Variants in ITIH1 observed in about 807,000 individuals in gnomAD.
ITIH1 encodes inter-alpha-trypsin inhibitor heavy chain 1.
ITIH1 carries 94 observed loss-of-function variants against 104.6 expected under a neutral mutation model. The observed-to-expected ratio is 0.90, with a 90% CI of 0.76 to 1.07. The LOEUF is 1.07. Among genes scored for constraint, ITIH1 ranks in the 50% least tolerant of loss-of-function variants. The probability of loss-of-function intolerance (pLI) is 0.00; values close to 1 mark genes in which losing one functional copy is unlikely to be tolerated. For synonymous variants in ITIH1, 455 were observed against 464.4 expected (o/e 0.98, Z 0.26); for missense variants, 1,193 against 1,181.4 (o/e 1.01, Z -0.14).
intron 12 of ITIH1, 93 bp downstream of exon 12, chr3:52,785,322 CCT>C (rs1321780538): frequency 1.6e-6 from 2 of 1,236,544 alleles, no homozygotes; most frequent in East Asian, 2.4e-5. Flanking sequence ...CCCCCAGAGG[CCT>C]CTCTTTCCCC....
intron 15 of ITIH1, 112 bp downstream of exon 15, chr3:52,787,314 T>A: frequency 1.4e-6 from 2 of 1,430,436 alleles, no homozygotes; most frequent in Non-Finnish European, 2.0e-6. Context: ...CTGACTCCAC[T>A]CCTTCCCGTT....
intron 19 of ITIH1, chr3:52,790,196 A>C (rs924722914): frequency 5.3e-6 from 2 of 375,468 alleles, no homozygotes; most frequent in African/African-American, 4.1e-5. Context: ...TGAACTCCAG[A>C]TTTCTCTGGG....
rs765860300 is a variant in ITIH1, at chr3:52,784,267, C to A, written c.1226-29C>A. 54 of 1,597,680 alleles carry A rather than the reference C, an allele frequency of 3.4e-5. No homozygotes were observed. In the Admixed American group the frequency reaches 6.1e-4, roughly 18 times the overall value. ...CCCCACATGCCTGTGGGCCAGCATC[C>A]CGTCACTACCCAGGTGTGTGGCTTG... is the stretch of plus-strand genomic sequence containing the variant. On this transcript the variant is annotated intron_variant, in intron 10 of 21. Transcript: ENST00000273283.
rs1279866716 is a variant in ITIH1, at chr3:52,778,999, G to T, written c.363G>T (p.Lys121Asn). Residue 121 changes from lysine (K) to asparagine (N), a missense_variant, in exon 4 of 22, where the codon AAG (lysine) becomes AAT (asparagine). Coordinates refer to ENST00000273283, the MANE Select transcript of ITIH1 (RefSeq NM_002215.4). ...GDIKDKVTAW[K>N]QYRKAAISGE... ...TAAAGGACAAGGTGACTGCATGGAAGCAGTACCGGAAAGCAGCTATCTCAG... is the reference window on the plus strand; with the variant it reads ...TAAAGGACAAGGTGACTGCATGGAATCAGTACCGGAAAGCAGCTATCTCAG... The T allele has an allele frequency of 6.2e-7, 1 of 1,614,080 alleles. No individual in the cohort carries two copies.
At chr3:52,788,175 C>G in intron 17 of ITIH1, 57 bp from the exon 18 acceptor site, 1 of 1,524,624 alleles carries the variant, frequency 6.6e-7, no homozygotes, top group Non-Finnish European at 9.1e-7. Flanking sequence ...ACCCCAACCC[C>G]TGGCCAGCCC....
Position 52,792,016 on chromosome 3 carries a change from T to C in ITIH1, c.*105T>C. 7.6e-7 allele frequency: 1 copy of C among 1,318,184 alleles called. No homozygotes were observed. Among genetic ancestry groups the C allele is most frequent in the Non-Finnish European group, 1.0e-6 (1 of 960,836 alleles). The allele number at this position is 1,318,184 out of a possible 1,614,324, so 81.7% of individuals were successfully genotyped here. ...GTACCTCCTTGACTAAGCTGGTTCC[T>C]TGTGTCAAAGCACCTCATGCCTTCC... On this transcript the variant is annotated 3_prime_UTR_variant, in exon 22 of 22. Coordinates refer to ENST00000273283, the MANE Select transcript of ITIH1 (RefSeq NM_002215.4).
rs768299617 is a variant in ITIH1 at position 52,779,437 on chromosome 3, C to A, written c.416C>A (p.Ser139Ter). Residue 139 changes from serine to a stop codon, truncating the protein, a stop_gained, in exon 5 of 22, where the codon TCG (serine) becomes TAG (stop). Coordinates refer to ENST00000273283, the MANE Select transcript of ITIH1 (RefSeq NM_002215.4). LOFTEE classifies it high-confidence loss of function. This position sits in a 1 kb window ranked among gnomAD's most constrained non-coding sequence, Gnocchi z 4.4. ...SGENAGLVRA[S>*]GRTMEQFTIH... ...GCCTCTGGTGGCACATCCAGGGCCT[C>A]GGGGAGAACTATGGAGCAATTCACC... 1 of 1,614,192 alleles carries A rather than the reference C, an allele frequency of 6.2e-7. No individual in the cohort carries two copies. The highest frequency in any genetic ancestry group is 2.2e-5 in the East Asian group (1 of 44,884).
At position 52,791,847 on chromosome 3, in the gene ITIH1, A is replaced by G. The variant is rs1405612914; in HGVS notation, c.2672A>G (p.His891Arg). The G allele has an allele frequency of 6.2e-7, 1 of 1,614,172 alleles. No individual in the cohort carries two copies. Among genetic ancestry groups the G allele is most frequent in the South Asian group, 1.1e-5 (1 of 91,082 alleles). ...HGAEVSCWFI[H>R]NNGAGLIDGA... ...GCCGAGGTGTCCTGCTGGTTCATTC[A>G]CAACAATGGGGCTGGACTCATCGAT... Residue 891 changes from histidine to arginine, a missense_variant, in exon 22 of 22, where the codon CAC becomes CGC. By Grantham distance (29) the His-to-Arg change is conservative. Coordinates refer to ENST00000273283, the MANE Select transcript of ITIH1 (RefSeq NM_002215.4).
At chr3:52,791,663 G>T (rs147913820) in intron 21 of ITIH1, 35 bp downstream of exon 21, 3 of 1,611,240 alleles carry the variant, frequency 1.9e-6, no homozygotes, top group Non-Finnish European at 2.5e-6. Flanking sequence ...GTCTGCCCTC[G>T]GCCACTTTGT....
At chr3:52,781,234 TC>T (rs1431650164) in intron 6 of ITIH1, among the ~76,000 whole-genome samples, 8 of 85,666 alleles carry the variant, frequency 9.3e-5, no homozygotes, top group African/African-American at 3.1e-4. Context: ...TTCTTCTTCT[TC>T]TTCTTCTTCT....
Position 52,783,259 on chromosome 3 carries a change from A to G in ITIH1, c.1145A>G (p.Asn382Ser), listed in dbSNP as rs1578734172. Residue 382 changes from asparagine (N) to serine (S), a missense_variant, in exon 10 of 22, where the codon AAC becomes AGC. Physicochemically the swap from Asn to Ser is conservative, Grantham distance 46 (BLOSUM62 1). Coordinates refer to ENST00000273283, the MANE Select transcript of ITIH1 (RefSeq NM_002215.4). Reference protein sequence around the residue: ...GGLLRGIEILNQVQESLPELS... With the variant: ...GGLLRGIEILSQVQESLPELS... ...TTGCTCCGGGGAATTGAGATCTTGA[A>G]CCAAGTTCAGGAAAGCCTCCCAGAA... The G allele has an allele frequency of 6.2e-7, 1 of 1,614,026 alleles. No individual in the cohort carries two copies. The highest frequency in any genetic ancestry group is 8.5e-7 in the Non-Finnish European group (1 of 1,179,988).
At chr3:52,780,583 G>A (rs900105881) in intron 6 of ITIH1, among the ~76,000 whole-genome samples, 1 of 152,226 alleles carries the variant, frequency 6.6e-6, no homozygotes, top group Non-Finnish European at 1.5e-5. Context: ...GCAAAAGCCT[G>A]CATGCTGAGG....
rs367809051 is a variant in ITIH1, at chr3:52,786,391, C to T, written c.1690C>T (p.Arg564Cys). 91 of 1,585,774 alleles carry T rather than the reference C, an allele frequency of 5.7e-5. No homozygotes were observed. Among genetic ancestry groups the T allele is most frequent in the South Asian group, 3.6e-4 (31 of 86,766 alleles). Reference protein sequence around the residue: ...RGHMLENHVERLWAYLTIQEL... With the variant: ...RGHMLENHVECLWAYLTIQEL... ...CCACATGCTGGAGAACCACGTCGAG[C>T]GCCTCTGGGCCTACCTCACCATCCA... The change falls in exon 13 of 22, where the codon CGC becomes TGC. Residue 564 changes from arginine (R) to cysteine (C), a missense_variant. Physicochemically the swap from Arg to Cys is radical, Grantham distance 180. Transcript: ENST00000273283.
intron 6 of ITIH1, among the ~76,000 whole-genome samples, chr3:52,781,198 TTTTTTTTTTTTTCTTCTTC>T (rs1699025214): frequency 1.1e-4 from 5 of 43,854 alleles, no homozygotes; most frequent in African/African-American, 2.6e-4. Flanking sequence ...CCTCCTCTTC[TTTTTTTTTTTTTCTTCTTC>T]TTCTTCTTCT....
At chr3:52,781,701 T>A (rs1348540213) in intron 6 of ITIH1, among the ~76,000 whole-genome samples, 1 of 152,192 alleles carries the variant, frequency 6.6e-6, no homozygotes, top group Non-Finnish European at 1.5e-5. Flanking sequence ...AAAGTGATGA[T>A]GTTCATTGTA....
intron 11 of ITIH1, among the ~76,000 whole-genome samples, chr3:52,784,811 G>A (rs955959612): frequency 2.0e-5 from 3 of 151,304 alleles, no homozygotes; most frequent in Non-Finnish European, 4.4e-5. Flanking sequence ...GGAGGTGGAG[G>A]TTGCAATGAG....
rs369698636 is a variant in ITIH1 at position 52,791,869 on chromosome 3, C to T, written c.2694C>T (p.Ile898=). The T allele has an allele frequency of 8.9e-5, 144 of 1,614,146 alleles. 1 individual carries two copies. The South Asian group carries it at 1.4e-3, about 16-fold the overall frequency. The part of the protein sequence containing the change: ...WFIHNNGAGL[I]DGAYTDYIVP... Reference sequence around the variant, plus strand: ...TTCACAACAATGGGGCTGGACTCATCGATGGTGCCTACACTGATTATATCG... The same window carrying T: ...TTCACAACAATGGGGCTGGACTCATTGATGGTGCCTACACTGATTATATCG... The change falls in exon 22 of 22, where the codon ATC becomes ATT. Residue 898 remains isoleucine (I), a synonymous_variant. Coordinates refer to ENST00000273283, the MANE Select transcript of ITIH1 (RefSeq NM_002215.4).
Position 52,780,312 on chromosome 3 carries a change from A to T in ITIH1, c.617A>T (p.Asp206Val). ...IFEPQGISKL[D>V]AQASFLPKEL... Reference sequence around the variant, plus strand: ...GAGCCCCAGGGGATCAGCAAGCTGGATGCCCAGGCCTCTTTCCTGCCGAAG... The same window carrying T: ...GAGCCCCAGGGGATCAGCAAGCTGGTTGCCCAGGCCTCTTTCCTGCCGAAG... Residue 206 changes from aspartate to valine, a missense_variant, in exon 6 of 22, where the codon GAT becomes GTT. Physicochemically the swap from Asp to Val is radical, Grantham distance 152. Coordinates refer to ENST00000273283, the MANE Select transcript of ITIH1 (RefSeq NM_002215.4). 1 of 1,614,150 alleles carries T rather than the reference A, an allele frequency of 6.2e-7. No individual in the cohort carries two copies. Among genetic ancestry groups the T allele is most frequent in the South Asian group, 1.1e-5 (1 of 91,074 alleles).
chr3:52,788,492 C>T (rs1217554582), intron 18 of ITIH1, 147 bp downstream of exon 18: 12 of 630,164 alleles, frequency 1.9e-5, no homozygotes, highest in South Asian at 1.1e-4. Flanking sequence ...TGCCTTCCCA[C>T]GCCATCCTCC....
Sources: gnomAD v4.1 joint callset for allele counts (sites outside exome capture counted in the v4.1 genomes callset) on GRCh38, gnomAD v4.1.1 for gene constraint, Gnocchi (gnomAD v3.1) non-coding constraint, MANE v1.5 for transcripts, NCBI Gene and HGNC (gene_info 2026-07-23, HGNC 2026-07-21) for gene names.